Variants in SLC4A7 observed in about 807,000 individuals in gnomAD.
SLC4A7 encodes sodium bicarbonate cotransporter 3.
SLC4A7 carries 51 observed loss-of-function variants against 137.6 expected under a neutral mutation model. The observed-to-expected ratio is 0.37, with a 90% CI of 0.30 to 0.47. The LOEUF (loss-of-function observed/expected upper bound fraction) is 0.47. SLC4A7 is among the 20% of genes least tolerant of loss of function. The pLI is 1.00. For synonymous variants in SLC4A7, 542 were observed against 518.6 expected (o/e 1.05, Z -0.61); for missense variants, 1,247 against 1,525.4 (o/e 0.82, Z 3.04).
intron 1 of SLC4A7, among the ~76,000 whole-genome samples, chr3:27,471,590 T>A (rs947525115): frequency 6.6e-6 from 1 of 152,188 alleles, no homozygotes; most frequent in African/African-American, 2.4e-5. Flanking sequence ...CAGACTGGTC[T>A]CAAACTCCTG....
In SLC4A7 at chr3:27,400,757, T is replaced by C; in HGVS notation, c.2427+7A>G. The stretch of plus-strand genomic sequence containing the variant: ...TTACAAAACCCTTTATTTCAAAATA[T>C]ACTCACAGAAACAGTAAGATTTCTC... On this transcript the variant is annotated splice_region_variant and intron_variant, in intron 16 of 25. Coordinates refer to ENST00000454389, the MANE Select transcript of SLC4A7 (RefSeq NM_001321103.2). 1 of 1,502,706 alleles carries C rather than the reference T, an allele frequency of 6.7e-7. No homozygotes were observed. Among genetic ancestry groups the C allele is most frequent in the South Asian group, 1.2e-5 (1 of 86,852 alleles). The allele number at this position is 1,502,706 out of a possible 1,614,324, so 93.1% of individuals were successfully genotyped here. A position where few individuals can be genotyped will look rare whatever the true frequency, so the allele number is the denominator to read the frequency against.
chr3:27,412,072 A>G lies in SLC4A7; in HGVS notation c.1660-324T>C, dbSNP rs1232219050. Among the ~76,000 whole-genome samples, 11 of 152,172 alleles carry G rather than the reference A, an allele frequency of 7.2e-5. No homozygotes were observed. The East Asian group carries it at 2.1e-3, about 29-fold the overall frequency. ...TAGCTACAAACGTAAGTAACCTCCA[A>G]AAAAGCATCTCTCCCACCAAAACTT... On this transcript the variant is annotated intron_variant, in intron 11 of 25. Coordinates refer to ENST00000454389, the MANE Select transcript of SLC4A7 (RefSeq NM_001321103.2).
At chr3:27,422,424 C>G (rs545982884) in intron 8 of SLC4A7, among the ~76,000 whole-genome samples, 3 of 152,152 alleles carry the variant, frequency 2.0e-5, no homozygotes, top group Non-Finnish European at 2.9e-5. Flanking sequence ...TGCGCTACCA[C>G]GCCTGGCTAA....
intron 2 of SLC4A7, among the ~76,000 whole-genome samples, chr3:27,451,328 A>G (rs2058062217): frequency 6.6e-6 from 1 of 152,068 alleles, no homozygotes; most frequent in Non-Finnish European, 1.5e-5. Flanking sequence ...TCCCCCAAAA[A>G]TGTCTATCAA....
intron 3 of SLC4A7, 97 bp downstream of exon 3, chr3:27,448,554 A>G: frequency 1.0e-6 from 1 of 982,360 alleles, no homozygotes; most frequent in Non-Finnish European, 1.5e-6. Context: ...ACATTAATGC[A>G]TACATACAAT....
chr3:27,388,421 G>C (rs576963965), intron 22 of SLC4A7, among the ~76,000 whole-genome samples: 32 of 152,208 alleles, frequency 2.1e-4, no homozygotes, highest in African/African-American at 7.5e-4. Context: ...TAATTCAAGA[G>C]GGTACTGTAA....
chr3:27,438,005 T>C (rs1221502544), intron 3 of SLC4A7, among the ~76,000 whole-genome samples: 1 of 152,134 alleles, frequency 6.6e-6, no homozygotes, highest in East Asian at 1.9e-4. Flanking sequence ...GAGACCAGCC[T>C]AGCCAACATG....
At chr3:27,443,006 CT>C (rs1349899632) in intron 3 of SLC4A7, among the ~76,000 whole-genome samples, 1 of 148,032 alleles carries the variant, frequency 6.8e-6, no homozygotes, top group Non-Finnish European at 1.5e-5. Context: ...AGCCACCGCG[CT>C]GGGCATTCTC....
chr3:27,381,457 G>A, intron 24 of SLC4A7, among the ~76,000 whole-genome samples: 1 of 152,084 alleles, frequency 6.6e-6, no homozygotes, highest in East Asian at 1.9e-4. Context: ...AGATCGCTGT[G>A]GCTGGATATA....
At chr3:27,434,432 A>G (rs996310488) in intron 5 of SLC4A7, among the ~76,000 whole-genome samples, 2 of 152,164 alleles carry the variant, frequency 1.3e-5, no homozygotes, top group African/African-American at 4.8e-5. Flanking sequence ...CCTAAGATGT[A>G]AAGGTATTTT....
At chr3:27,443,785 G>A (rs947547217) in intron 3 of SLC4A7, among the ~76,000 whole-genome samples, 2 of 152,082 alleles carry the variant, frequency 1.3e-5, no homozygotes, top group Admixed American at 1.3e-4. Flanking sequence ...TTGGTTACCT[G>A]CCTGTACTAT....
chr3:27,397,115 G>A (rs1055290873), intron 18 of SLC4A7, among the ~76,000 whole-genome samples: 6 of 151,910 alleles, frequency 3.9e-5, no homozygotes, highest in Non-Finnish European at 7.4e-5. Context: ...TGCAACCTCC[G>A]CCTCCTGGGT....
At chr3:27,446,906 CAG>C (rs1402067459) in intron 3 of SLC4A7, among the ~76,000 whole-genome samples, 54 of 123,830 alleles carry the variant, frequency 4.4e-4, no homozygotes, top group South Asian at 8.3e-4. Context: ...TTTTTTTAAA[CAG>C]AGTCTCGCTC....
chr3:27,427,723 A>AT (rs2055796505), intron 7 of SLC4A7, among the ~76,000 whole-genome samples: 1 of 152,184 alleles, frequency 6.6e-6, no homozygotes, highest in Non-Finnish European at 1.5e-5. Flanking sequence ...AGAATCATGT[A>AT]TAGCTGTCCC....
At chr3:27,469,921 T>A (rs2059165873) in intron 1 of SLC4A7, among the ~76,000 whole-genome samples, 1 of 152,214 alleles carries the variant, frequency 6.6e-6, no homozygotes, top group African/African-American at 2.4e-5. Flanking sequence ...GAAGTAGCTG[T>A]AACAAAATAA....
Position 27,376,843 on chromosome 3 carries a change from G to A in SLC4A7, c.3701C>T (p.Pro1234Leu), listed in dbSNP as rs200897110. ...NAKVTRSNMS[P>L]DKPVSVKISF... Reference sequence around the variant, plus strand: ...TATTTTCACACTCACAGGTTTATCAGGACTATTTAAAACAAAGAATTAAAA... The same window carrying A: ...TATTTTCACACTCACAGGTTTATCAAGACTATTTAAAACAAAGAATTAAAA... Residue 1234 changes from proline to leucine, a missense_variant and splice_region_variant, in exon 26 of 26, where the codon CCT becomes CTT. Pro to Leu is a moderately conservative substitution (Grantham distance 98, BLOSUM62 -3). Around this residue, in one of 6 missense-constraint regions of SLC4A7, gnomAD observed 290 missense variants for 323.8 expected, o/e 0.90. Coordinates refer to ENST00000454389, the MANE Select transcript of SLC4A7 (RefSeq NM_001321103.2). The A allele has an allele frequency of 3.3e-6, 5 of 1,514,352 alleles. No homozygotes were observed. Among genetic ancestry groups the A allele is most frequent in the South Asian group, 1.2e-5 (1 of 80,892 alleles). 93.8% of individuals were successfully genotyped at this position (1,514,352 alleles called of 1,614,324 possible).
intron 1 of SLC4A7, among the ~76,000 whole-genome samples, chr3:27,474,884 G>A (rs997311782): frequency 2.0e-5 from 3 of 151,968 alleles, no homozygotes; most frequent in African/African-American, 4.8e-5. Flanking sequence ...AACTTTGCCA[G>A]ATCACTTGAG....
At position 27,376,657 on chromosome 3, in the gene SLC4A7, T is replaced by A; in HGVS notation, c.*107A>T. 1 of 637,918 alleles carries A rather than the reference T, an allele frequency of 1.6e-6. No individual in the cohort carries two copies. Among genetic ancestry groups the A allele is most frequent in the Non-Finnish European group, 2.7e-6 (1 of 369,086 alleles). The allele number at this position is 637,918 out of a possible 1,614,324, so 39.5% of individuals were successfully genotyped here. A position where few individuals can be genotyped will look rare whatever the true frequency, so the allele number is the denominator to read the frequency against. On this transcript the variant is annotated 3_prime_UTR_variant, in exon 26 of 26. Transcript: ENST00000454389. ...CCAGACACTACTTTTAAAAACCCGGTAGTCACACATAAACAGCATGACATA... is the reference window on the plus strand; with the variant it reads ...CCAGACACTACTTTTAAAAACCCGGAAGTCACACATAAACAGCATGACATA...
intron 6 of SLC4A7, 107 bp downstream of exon 6, chr3:27,433,809 G>C: frequency 1.1e-6 from 1 of 873,942 alleles, no homozygotes; most frequent in Non-Finnish European, 1.8e-6. Context: ...GTAATTCAGA[G>C]GTAGGTATAG....
Sources: allele counts gnomAD v4.1 joint callset (sites outside exome capture counted in the v4.1 genomes callset), GRCh38; gene constraint gnomAD v4.1.1; regional missense constraint gnomAD v4.1.1; transcripts MANE v1.5; gene names NCBI Gene and HGNC (gene_info 2026-07-23, HGNC 2026-07-21).